Variants in QTRT2 observed in about 807,000 individuals in gnomAD.
QTRT2 encodes the protein queuine tRNA-ribosyltransferase domain containing 1.
In QTRT2, 32 loss-of-function variants were observed where a neutral mutation model predicts 44.8. That is an observed-to-expected ratio of 0.71 (90% CI 0.54 to 0.96). QTRT2 has a LOEUF of 0.96. Among genes scored for constraint, QTRT2 ranks in the 40% least tolerant of loss-of-function variants. The probability of loss-of-function intolerance (pLI) is 0.00; values close to 1 mark genes in which losing one functional copy is unlikely to be tolerated. For missense variants in QTRT2, 461 were observed against 503.1 expected (o/e 0.92, Z 0.80); for synonymous variants, 182 against 187.4 (o/e 0.97, Z 0.24).
chr3:114,073,205 A>G (rs927088082), intron 6 of QTRT2, among the ~76,000 whole-genome samples: 1 of 152,198 alleles, frequency 6.6e-6, no homozygotes, highest in African/African-American at 2.4e-5. Context: ...GTTTTGAGCC[A>G]GTCATTATCC....
chr3:114,079,717 C>A, intron 7 of QTRT2, 189 bp from the exon 8 acceptor site: 1 of 475,086 alleles, frequency 2.1e-6, no homozygotes, highest in Non-Finnish European at 3.8e-6. Flanking sequence ...AGGATTCAAG[C>A]CCCAGTTTTT....
At chr3:114,082,132 A>G (rs1461166136) in intron 8 of QTRT2, among the ~76,000 whole-genome samples, 1 of 151,910 alleles carries the variant, frequency 6.6e-6, no homozygotes, top group Non-Finnish European at 1.5e-5. Context: ...ACTTCAATCT[A>G]TTTGGAATAT....
intron 5 of QTRT2, among the ~76,000 whole-genome samples, chr3:114,069,960 C>A (rs2077002701): frequency 6.6e-6 from 1 of 151,996 alleles, no homozygotes; most frequent in African/African-American, 2.4e-5. Context: ...ATACTCTAGT[C>A]AGACAAATAA....
chr3:114,087,128 AC>A lies in QTRT2; in HGVS notation c.*1225del, dbSNP rs1343838285. 2.6e-5 allele frequency: 4 copies of A among 152,226 alleles called. No individual in the cohort carries two copies. The highest frequency in any genetic ancestry group is 5.9e-5 in the Non-Finnish European group (4 of 68,034). The allele number at this position is 152,226 out of a possible 1,614,324, so 9.4% of individuals were successfully genotyped here. ...GGAATACACATACACCCACATGCACACACCATAGTTTTTATACAAACAGCAA... is the reference window on the plus strand; with the variant it reads ...GGAATACACATACACCCACATGCACAACCATAGTTTTTATACAAACAGCAA... On this transcript the variant is annotated 3_prime_UTR_variant, in exon 10 of 10. Coordinates refer to ENST00000281273, the MANE Select transcript of QTRT2 (RefSeq NM_024638.4).
intron 8 of QTRT2, among the ~76,000 whole-genome samples, chr3:114,081,406 G>C (rs2077163711): frequency 6.6e-6 from 1 of 151,886 alleles, no homozygotes; most frequent in African/African-American, 2.4e-5. Flanking sequence ...CTGGAGTGTA[G>C]TGGTGTGATT....
chr3:114,068,289 A>G (rs2076980704), intron 5 of QTRT2: 1 of 412,510 alleles, frequency 2.4e-6, no homozygotes, highest in Non-Finnish European at 4.5e-6. Context: ...CATTGTTGCA[A>G]AAAAATTTGA....
intron 8 of QTRT2, among the ~76,000 whole-genome samples, chr3:114,081,013 C>A (rs1459011569): frequency 6.6e-6 from 1 of 152,066 alleles, no homozygotes; most frequent in Non-Finnish European, 1.5e-5. Context: ...ATAGGTATAC[C>A]ATTAACACTA....
In QTRT2 at chr3:114,069,069, T is replaced by A. The variant is rs868797882; in HGVS notation, c.333+1006T>A. ...ACTCTGTCTCAAAAAAAAAAAAAAA[T>A]ACTTTGACTTCCATTTTCTACCCAA... On this transcript the variant is annotated intron_variant, in intron 5 of 9. Coordinates refer to ENST00000281273, the MANE Select transcript of QTRT2 (RefSeq NM_024638.4). Among the ~76,000 whole-genome samples the A allele has an allele frequency of 5.1e-3, 745 of 147,120 alleles. 8 individuals carry two copies. Among genetic ancestry groups the A allele is most frequent in the African/African-American group, 0.018 (702 of 39,252 alleles).
chr3:114,070,671 T>A lies in QTRT2; in HGVS notation c.379T>A (p.Ser127Thr), dbSNP rs746390630. The stretch of plus-strand genomic sequence containing the variant: ...TGCAGGACGAGTGGAAATGACTGTT[T>A]CCAAGTTCATGGCAATTCAGAAGGC... ...SVAGRVEMTVSKFMAIQKALQ... is the reference protein window; with the variant it reads ...SVAGRVEMTVTKFMAIQKALQ... Residue 127 changes from serine to threonine, a missense_variant, in exon 6 of 10, where the codon TCC (serine) becomes ACC (threonine). Ser to Thr is a moderately conservative substitution (Grantham distance 58). Transcript: ENST00000281273. 1.2e-6 allele frequency: 2 copies of A among 1,614,212 alleles called. No individual in the cohort carries two copies. Among genetic ancestry groups the A allele is most frequent in the Admixed American group, 1.7e-5 (1 of 60,026 alleles).
chr3:114,084,536 T>C (rs2077211367), intron 9 of QTRT2, among the ~76,000 whole-genome samples: 1 of 152,100 alleles, frequency 6.6e-6, no homozygotes, highest in African/African-American at 2.4e-5. Flanking sequence ...GTGCTATGAT[T>C]GTGCCACTGC....
chr3:114,069,627 T>G (rs1046193888), intron 5 of QTRT2, among the ~76,000 whole-genome samples: 2 of 152,232 alleles, frequency 1.3e-5, no homozygotes, highest in Non-Finnish European at 2.9e-5. Context: ...TACCACATTT[T>G]CTTTATCCAA....
chr3:114,057,140 C>A, intron 2 of QTRT2, 34 bp downstream of exon 2: 1 of 1,174,300 alleles, frequency 8.5e-7, no homozygotes, highest in South Asian at 2.3e-5. Flanking sequence ...TTCCGAACTG[C>A]CCATGGGAGG....
intron 6 of QTRT2, 63 bp from the exon 7 acceptor site, chr3:114,076,680 G>T (rs1323854104): frequency 1.3e-6 from 2 of 1,509,870 alleles, no homozygotes; most frequent in East Asian, 4.5e-5. Context: ...TCCATGTAAG[G>T]TTCATTTAAA....
intron 6 of QTRT2, among the ~76,000 whole-genome samples, chr3:114,071,625 T>C (rs1031357173): frequency 1.3e-5 from 2 of 152,102 alleles, no homozygotes; most frequent in African/African-American, 4.8e-5. Flanking sequence ...TCAAGACTCC[T>C]TTTTTTCATT....
intron 2 of QTRT2, chr3:114,057,457 A>G (rs999650402): frequency 3.3e-5 from 5 of 152,240 alleles, no homozygotes; most frequent in Admixed American, 6.5e-5. Flanking sequence ...TTAAAAATAA[A>G]TGTATGTGAA....
intron 9 of QTRT2, 54 bp from the exon 10 acceptor site, chr3:114,085,619 G>T: frequency 7.0e-7 from 1 of 1,433,570 alleles, no homozygotes; most frequent in Admixed American, 1.7e-5. Context: ...AGCTGAGGTT[G>T]TGGATTTCTT....
chr3:114,063,116 T>C (rs1197475241), intron 2 of QTRT2, among the ~76,000 whole-genome samples: 1 of 152,226 alleles, frequency 6.6e-6, no homozygotes, highest in Non-Finnish European at 1.5e-5. Context: ...TTAGTTCTTA[T>C]TTGTGTTTCA....
chr3:114,070,756 C>A lies in QTRT2; in HGVS notation c.464C>A (p.Thr155Asn). The A allele has an allele frequency of 6.2e-7, 1 of 1,614,022 alleles. No homozygotes were observed. The highest frequency in any genetic ancestry group is 2.2e-5 in the East Asian group (1 of 44,852). ...SDGEVSCKEA[T>N]SIKRVRKSVD... ...GGAGAAGTATCTTGTAAGGAAGCAA[C>A]TTCCATAAAAAGGGTCAGAAAGTCT... Residue 155 changes from threonine to asparagine, a missense_variant, in exon 6 of 10, where the codon ACT becomes AAT. By Grantham distance (65) the Thr-to-Asn change is moderately conservative. Coordinates refer to ENST00000281273, the MANE Select transcript of QTRT2 (RefSeq NM_024638.4).
chr3:114,085,969 C>A lies in QTRT2; in HGVS notation c.*65C>A. The A allele has an allele frequency of 8.3e-7, 1 of 1,203,152 alleles. No individual in the cohort carries two copies. Among genetic ancestry groups the A allele is most frequent in the Non-Finnish European group, 1.2e-6 (1 of 808,936 alleles). 74.5% of individuals were successfully genotyped at this position (1,203,152 alleles called of 1,614,324 possible). On this transcript the variant is annotated 3_prime_UTR_variant, in exon 10 of 10. Transcript: ENST00000281273. Reference sequence around the variant, plus strand: ...GTACCACTGTTGTAACATGGGAAGACGTGAAGAAGAAATAATCTGAGCTTT... The same window carrying A: ...GTACCACTGTTGTAACATGGGAAGAAGTGAAGAAGAAATAATCTGAGCTTT...
Sources: allele counts gnomAD v4.1 joint callset (sites outside exome capture counted in the v4.1 genomes callset), GRCh38; gene constraint gnomAD v4.1.1; transcripts MANE v1.5; gene names NCBI Gene and HGNC (gene_info 2026-07-23, HGNC 2026-07-21).